Variants in WTAP observed in about 807,000 individuals in gnomAD.
The protein encoded by WTAP is WT1 associated protein, also known as pre-mRNA-splicing regulator WTAP.
In WTAP, 8 loss-of-function variants were observed where a neutral mutation model predicts 50.0. The observed-to-expected ratio is 0.16, with a 90% CI of 0.09 to 0.29. The LOEUF (loss-of-function observed/expected upper bound fraction) is 0.29. Among genes scored for constraint, WTAP ranks in the 10% least tolerant of loss-of-function variants. The pLI, the probability that WTAP is intolerant of heterozygous loss-of-function variation, is 1.00. For synonymous variants in WTAP, 194 were observed against 169.0 expected (o/e 1.15, Z -1.15); for missense variants, 295 against 470.7 (o/e 0.63, Z 3.45).
rs1207579243 is a variant in WTAP, at chr6:159,755,115, C to T, written c.695C>T (p.Thr232Ile). The part of the protein sequence containing the change: ...ILVLQQQLKE[T>I]RQQLAQYQQQ... ...GTTCTGCAGCAGCAGCTGAAGGAGA[C>T]ACGCCAGCAGTTGGCTCAGTACCAG... The change falls in exon 8 of 8, where the codon ACA becomes ATA. Residue 232 changes from threonine (T) to isoleucine (I), a missense_variant. Physicochemically the swap from Thr to Ile is moderately conservative, Grantham distance 89. Around this residue, in one of 2 missense-constraint regions of WTAP, gnomAD observed 120 missense variants for 287.6 expected, o/e 0.42. Transcript: ENST00000621533. The T allele has an allele frequency of 6.2e-7, 1 of 1,614,054 alleles. No homozygotes were observed. Among genetic ancestry groups the T allele is most frequent in the African/African-American group, 1.3e-5 (1 of 74,918 alleles).
rs1779273933 is a variant in WTAP, at chr6:159,741,836, C to T, written c.87-252C>T. ...GACCCCATCTCTACAAAAAAATGAG[C>T]CATGTGCCTTTGGTCCCAGCTATAC... On this transcript the variant is annotated intron_variant, in intron 3 of 7. Transcript: ENST00000621533. 3 of 312,500 alleles carry T rather than the reference C, an allele frequency of 9.6e-6. No individual in the cohort carries two copies. In the South Asian group the frequency reaches 1.0e-4, roughly 11 times the overall value. The allele number at this position is 312,500 out of a possible 1,614,324, so 19.4% of individuals were successfully genotyped here. A position where few individuals can be genotyped will look rare whatever the true frequency, so the allele number is the denominator to read the frequency against.
chr6:159,732,656 G>A (rs148338359), intron 1 of WTAP, among the ~76,000 whole-genome samples: 385 of 152,196 alleles, frequency 2.5e-3, no homozygotes, highest in African/African-American at 8.5e-3. Flanking sequence ...TCAACATGGT[G>A]AAACTAAAAA....
rs2114958429 is a variant in WTAP, at chr6:159,753,553, A to G, written c.546A>G (p.Gln182=). The part of the protein sequence containing the change: ...GRQLSQGRIA[Q]LEAELALQKK... ...AGCTGTCCCAGGGACGTATTGCACA[A>G]CTTGAAGCAGAGTTGGCTTTACAGA... Residue 182 remains glutamine, a synonymous_variant, in exon 7 of 8, where the codon CAA becomes CAG. Coordinates refer to ENST00000621533, the MANE Select transcript of WTAP (RefSeq NM_001270531.2). 1 of 1,614,192 alleles carries G rather than the reference A, an allele frequency of 6.2e-7. No individual in the cohort carries two copies. The highest frequency in any genetic ancestry group is 8.5e-7 in the Non-Finnish European group (1 of 1,180,032).
intron 1 of WTAP, among the ~76,000 whole-genome samples, chr6:159,735,989 C>T (rs1291857774): frequency 6.6e-6 from 1 of 151,862 alleles, no homozygotes; most frequent in Non-Finnish European, 1.5e-5. Context: ...AGCTTTTTTA[C>T]GAGGGAATTT....
At chr6:159,751,520 G>A (rs777161558) in intron 6 of WTAP, among the ~76,000 whole-genome samples, 9 of 152,202 alleles carry the variant, frequency 5.9e-5, no homozygotes, top group African/African-American at 1.9e-4. Context: ...TAATTTCTAA[G>A]TGGATGTTCA....
Position 159,742,165 on chromosome 6 carries a change from T to G in WTAP, c.145+19T>G. On this transcript the variant is annotated intron_variant, in intron 4 of 7. Coordinates refer to ENST00000621533, the MANE Select transcript of WTAP (RefSeq NM_001270531.2). ...CTTAACTGTAAGTTTGAGTTTTAGCTTCCTAAAGACTGAATAATCTCCTTT... is the reference window on the plus strand; with the variant it reads ...CTTAACTGTAAGTTTGAGTTTTAGCGTCCTAAAGACTGAATAATCTCCTTT... 6.3e-7 allele frequency: 1 copy of G among 1,584,238 alleles called. No individual in the cohort carries two copies. Among genetic ancestry groups the G allele is most frequent in the African/African-American group, 1.4e-5 (1 of 73,624 alleles).
intron 6 of WTAP, among the ~76,000 whole-genome samples, chr6:159,750,823 A>G (rs1427633805): frequency 2.9e-5 from 4 of 136,080 alleles, no homozygotes; most frequent in Non-Finnish European, 3.2e-5. Flanking sequence ...CTAATTTGAA[A>G]CAAATAATGG....
chr6:159,740,434 G>C (rs1779183565), intron 3 of WTAP, among the ~76,000 whole-genome samples: 1 of 152,106 alleles, frequency 6.6e-6, no homozygotes, highest in Admixed American at 6.6e-5. Flanking sequence ...TTTTAAACCA[G>C]CTGCTACTTA....
chr6:159,745,838 G>A (rs558152970), intron 5 of WTAP, among the ~76,000 whole-genome samples: 3 of 152,308 alleles, frequency 2.0e-5, no homozygotes, highest in Non-Finnish European at 4.4e-5. Flanking sequence ...GAAGCCACTG[G>A]TGGTAGCAGA....
Position 159,755,555 on chromosome 6 carries a change from C to T in WTAP, c.1135C>T (p.Arg379Cys), listed in dbSNP as rs187127278. The change falls in exon 8 of 8, where the codon CGC (arginine) becomes TGC (cysteine). Residue 379 changes from arginine (R) to cysteine (C), a missense_variant. Around this residue, in one of 2 missense-constraint regions of WTAP, gnomAD observed 175 missense variants for 183.1 expected, o/e 0.96. Transcript: ENST00000621533. ...GAAAGGTAATCGAACTGTGGGTTCC[C>T]GCCACGTTCAGAATGGCTTGGACTC... ...SGKGNRTVGS[R>C]HVQNGLDSSV... 48 of 1,614,012 alleles carry T rather than the reference C, an allele frequency of 3.0e-5. No individual in the cohort carries two copies. Among genetic ancestry groups the T allele is most frequent in the Non-Finnish European group, 3.6e-5 (42 of 1,180,000 alleles).
chr6:159,750,568 G>C (rs1779781106), intron 6 of WTAP, among the ~76,000 whole-genome samples: 1 of 152,056 alleles, frequency 6.6e-6, no homozygotes, highest in Non-Finnish European at 1.5e-5. Flanking sequence ...GTTATTTTAT[G>C]TATATTGTTT....
In WTAP at chr6:159,727,557, A is replaced by G; in HGVS notation, c.-155A>G. ...GAGACCCACAAATAAAGGGGAGCGC[A>G]GGGGTTGCGGCGGGACTAGGAGCGC... On this transcript the variant is annotated 5_prime_UTR_variant, in exon 1 of 8. Coordinates refer to ENST00000621533, the MANE Select transcript of WTAP (RefSeq NM_001270531.2). The G allele has an allele frequency of 1.0e-6, 1 of 988,702 alleles. No homozygotes were observed. Among genetic ancestry groups the G allele is most frequent in the Non-Finnish European group, 1.2e-6 (1 of 832,656 alleles). The allele number at this position is 988,702 out of a possible 1,614,324, so 61.2% of individuals were successfully genotyped here. A position where few individuals can be genotyped will look rare whatever the true frequency, so the allele number is the denominator to read the frequency against.
chr6:159,732,847 TCTTTCTCTCTC>T (rs992615933), intron 1 of WTAP, among the ~76,000 whole-genome samples: 1 of 126,114 alleles, frequency 7.9e-6, no homozygotes, highest in African/African-American at 3.5e-5. Context: ...TCTGTCTGCT[TCTTTCTCTCTC>T]TCTCTCTCTC....
intron 1 of WTAP, among the ~76,000 whole-genome samples, chr6:159,729,846 G>A (rs977067540): frequency 6.6e-6 from 1 of 152,118 alleles, no homozygotes; most frequent in Non-Finnish European, 1.5e-5. Flanking sequence ...TTTGGCTGGC[G>A]CTTGCCTCCG....
At chr6:159,741,735 T>G (rs1292134772) in intron 3 of WTAP, 1 of 183,218 alleles carries the variant, frequency 5.5e-6, no homozygotes, top group Non-Finnish European at 1.1e-5. Flanking sequence ...GGCCTGTAAT[T>G]TCAGCAGTTT....
At chr6:159,729,488 T>A (rs950541623) in intron 1 of WTAP, among the ~76,000 whole-genome samples, 1 of 152,380 alleles carries the variant, frequency 6.6e-6, no homozygotes, top group African/African-American at 2.4e-5. Flanking sequence ...TTTCTGCCTT[T>A]GAAGATGTAG....
Position 159,736,245 on chromosome 6 carries a change from C to CTTT in WTAP, c.-8-5_-8-3dup. On this transcript the variant is annotated splice_polypyrimidine_tract_variant and intron_variant, in intron 1 of 7. Transcript: ENST00000621533. ...AATAAATTGAACTTGTTTTCCGCAA[C>CTTT]TTTTTTTTTTAGGATTCAAGATGAC... 1 of 1,314,386 alleles carries CTTT rather than the reference C, an allele frequency of 7.6e-7. No individual in the cohort carries two copies. Among genetic ancestry groups the CTTT allele is most frequent in the Non-Finnish European group, 1.0e-6 (1 of 961,018 alleles). The allele number at this position is 1,314,386 out of a possible 1,614,324, so 81.4% of individuals were successfully genotyped here.
At chr6:159,733,951 C>T (rs967165936) in intron 1 of WTAP, among the ~76,000 whole-genome samples, 1 of 152,138 alleles carries the variant, frequency 6.6e-6, no homozygotes, top group African/African-American at 2.4e-5. Flanking sequence ...AGAAGCAAGC[C>T]AGTAATCTAA....
chr6:159,743,832 A>G, intron 5 of WTAP, 40 bp downstream of exon 5: 1 of 1,547,050 alleles, frequency 6.5e-7, no homozygotes, highest in South Asian at 1.3e-5. Flanking sequence ...TAGTTGAGGA[A>G]TTGGTTTTTA....
Sources: gnomAD v4.1 joint callset for allele counts (sites outside exome capture counted in the v4.1 genomes callset) on GRCh38, gnomAD v4.1.1 for gene constraint, gnomAD v4.1.1 regional missense constraint, MANE v1.5 for transcripts, NCBI Gene and HGNC (gene_info 2026-07-23, HGNC 2026-07-21) for gene names.